Variants in HERC2 observed in about 807,000 individuals in gnomAD.
HERC2 encodes E3 ubiquitin-protein ligase HERC2.
A neutral mutation model predicts 537.7 loss-of-function variants in HERC2; 102 were observed. That is an observed-to-expected ratio of 0.19 (90% confidence interval 0.16 to 0.22). The LOEUF is 0.22. HERC2 is among the 10% of genes least tolerant of loss of function. HERC2 has a pLI of 1.00. For missense variants in HERC2, 4,236 were observed against 6,198.2 expected, an observed-to-expected ratio of 0.68 and a Z score of 10.63; for synonymous variants, 2,224 against 2,466.2, an observed-to-expected ratio of 0.90 and a Z score of 2.91.
chr15:28,249,144 A>G (rs190848982), intron 20 of HERC2, among the ~76,000 whole-genome samples: 152 of 152,334 alleles, frequency 1.0e-3, no homozygotes, highest in African/African-American at 3.4e-3. Flanking sequence ...GAACAAACAC[A>G]GTGTCATTAT....
chr15:28,122,002 G>A lies in HERC2; in HGVS notation c.13189-573C>T, dbSNP rs1279460433. On this transcript the variant is annotated intron_variant, in intron 85 of 92. Coordinates refer to ENST00000261609, the MANE Select transcript of HERC2 (RefSeq NM_004667.6). This position sits in a 1 kb window ranked among gnomAD's most constrained non-coding sequence, Gnocchi z 4.1. ...GCAGCCACGGGCCAGGGAGCACCGC[G>A]GAGCCAGCCGGACCTTGGATCGCCA... Among the ~76,000 whole-genome samples the A allele has an allele frequency of 6.8e-6, 1 of 147,740 alleles. No homozygotes were observed. The highest frequency in any genetic ancestry group is 1.5e-5 in the Non-Finnish European group (1 of 66,684).
rs756089113 is a variant in HERC2, at chr15:28,201,582, A to T, written c.7618-28T>A. 2.9e-6 allele frequency: 4 copies of T among 1,398,526 alleles called. No homozygotes were observed. The African/African-American group carries it at 5.7e-5, about 20-fold the overall frequency. 86.6% of individuals were successfully genotyped at this position (1,398,526 alleles called of 1,614,324 possible). A position where few individuals can be genotyped will look rare whatever the true frequency, so the allele number is the denominator to read the frequency against. On this transcript the variant is annotated intron_variant, in intron 47 of 92. Transcript: ENST00000261609. ...GCAAGAAATAAATACATTCAAACAA[A>T]AAAACAGGAGAACATGATAAACCTA...
At chr15:28,230,219 A>G in intron 31 of HERC2, 148 bp downstream of exon 31, 1 of 796,826 alleles carries the variant, frequency 1.3e-6, no homozygotes. Flanking sequence ...CCAGGACATC[A>G]TAAGCCAAGT....
intron 22 of HERC2, among the ~76,000 whole-genome samples, chr15:28,246,407 G>T (rs1903710697): frequency 6.6e-6 from 1 of 151,888 alleles, no homozygotes; most frequent in South Asian, 2.1e-4. Flanking sequence ...AACATACCAG[G>T]TAATATCAGA....
chr15:28,218,298 C>T (rs904385789), intron 38 of HERC2, among the ~76,000 whole-genome samples, 191 bp downstream of exon 38: 3 of 152,114 alleles, frequency 2.0e-5, no homozygotes, highest in Non-Finnish European at 4.4e-5. Flanking sequence ...AGGAACCACC[C>T]TTGATCTCAG....
At chr15:28,162,175 CA>C (rs1202755659) in intron 69 of HERC2, among the ~76,000 whole-genome samples, 3 of 152,060 alleles carry the variant, frequency 2.0e-5, no homozygotes, top group African/African-American at 7.2e-5. Flanking sequence ...ACTAAAAATA[CA>C]AAAATTAGCC....
Position 28,272,246 on chromosome 15 carries a change from T to G in HERC2, c.1052A>C (p.Lys351Thr). 6.2e-7 allele frequency: 1 copy of G among 1,610,582 alleles called. No homozygotes were observed. Among genetic ancestry groups the G allele is most frequent in the Non-Finnish European group, 8.5e-7 (1 of 1,178,894 alleles). The change falls in exon 9 of 93, where the codon AAG (lysine) becomes ACG (threonine). Residue 351 changes from lysine to threonine, a missense_variant. By Grantham distance (78) the Lys-to-Thr change is moderately conservative. Around this residue, in one of 27 missense-constraint regions of HERC2, gnomAD observed 491 missense variants for 559.3 expected, o/e 0.88. Transcript: ENST00000261609. ...GTCGCCCTCGGAGTGGGGTGCATCC[T>G]TCCTGCAAATGATGCTCTGGAACCT... ...LQRFQSIICR[K>T]DAPHSEGDMH...
In HERC2 at chr15:28,113,529, G is replaced by T; in HGVS notation, c.14019+44C>A. On this transcript the variant is annotated intron_variant, in intron 91 of 92. Transcript: ENST00000261609. This position sits in a 1 kb window ranked among gnomAD's most constrained non-coding sequence, Gnocchi z 7.0. ...CTGTCACTGATTTGTGGGTCAGCAG[G>T]CAAAAGGCAGCTGCAGGGCAGCCCC... 1.3e-6 allele frequency: 2 copies of T among 1,524,086 alleles called. No individual in the cohort carries two copies. Among genetic ancestry groups the T allele is most frequent in the Non-Finnish European group, 1.8e-6 (2 of 1,098,914 alleles). The allele number at this position is 1,524,086 out of a possible 1,614,324, so 94.4% of individuals were successfully genotyped here. A position where few individuals can be genotyped will look rare whatever the true frequency, so the allele number is the denominator to read the frequency against.
chr15:28,155,014 T>C (rs537256478), intron 69 of HERC2, among the ~76,000 whole-genome samples: 9 of 149,588 alleles, frequency 6.0e-5, no homozygotes, highest in Non-Finnish European at 1.2e-4. Context: ...GAACATGCAG[T>C]GTTTGGTTTT....
intron 78 of HERC2, 79 bp downstream of exon 78, chr15:28,141,353 G>A (rs1189290624): frequency 2.5e-5 from 31 of 1,233,360 alleles, no homozygotes; most frequent in Non-Finnish European, 3.0e-5. Flanking sequence ...ATCCTTGCAC[G>A]TGCTAAGAAC....
At chr15:28,313,473 AG>A (rs57652144) in intron 2 of HERC2, among the ~76,000 whole-genome samples, 12,564 of 151,326 alleles carry the variant, frequency 0.083, 292 homozygotes, top group East Asian at 0.32. Flanking sequence ...CAGCCCGTTA[AG>A]GCATTTATTA....
At chr15:28,262,794 A>C in intron 15 of HERC2, 124 bp downstream of exon 15, 2 of 987,134 alleles carry the variant, frequency 2.0e-6, no homozygotes, top group Non-Finnish European at 3.0e-6. Flanking sequence ...ATGGAATGTC[A>C]GGTTAAGAAC....
chr15:28,271,007 T>A, intron 9 of HERC2, 139 bp from the exon 10 acceptor site: 1 of 683,832 alleles, frequency 1.5e-6, no homozygotes, highest in South Asian at 1.9e-5. Flanking sequence ...ACAGTTATAC[T>A]ATACATCTAT....
chr15:28,254,313 T>C lies in HERC2; in HGVS notation c.3050+27A>G, dbSNP rs8036480. ...CAAAAAAAAGTAAATAAATAACATATAATACAATACAGCTACTACGATTTA... is the reference window on the plus strand; with the variant it reads ...CAAAAAAAAGTAAATAAATAACATACAATACAATACAGCTACTACGATTTA... On this transcript the variant is annotated intron_variant, in intron 20 of 92. Transcript: ENST00000261609. 152,330 of 1,481,848 alleles carry C rather than the reference T, an allele frequency of 0.1. 21,249 individuals are homozygous for C. Among genetic ancestry groups the C allele is most frequent in the African/African-American group, 0.57 (39,762 of 69,992 alleles). The allele number at this position is 1,481,848 out of a possible 1,614,324, so 91.8% of individuals were successfully genotyped here. A position where few individuals can be genotyped will look rare whatever the true frequency, so the allele number is the denominator to read the frequency against.
intron 70 of HERC2, among the ~76,000 whole-genome samples, chr15:28,150,337 C>T (rs906411022): frequency 6.6e-6 from 1 of 150,596 alleles, no homozygotes; most frequent in Non-Finnish European, 1.5e-5. Context: ...TGAAAAAACA[C>T]GCGGCTTCTA....
chr15:28,152,934 G>A (rs1247300534), intron 69 of HERC2, 104 bp from the exon 70 acceptor site: 20 of 1,145,692 alleles, frequency 1.7e-5, no homozygotes, highest in East Asian at 7.8e-5. Flanking sequence ...CAAGGACAGC[G>A]TGGCAGAGTG....
chr15:28,241,517 T>C (rs1903116603), intron 23 of HERC2, among the ~76,000 whole-genome samples: 1 of 152,150 alleles, frequency 6.6e-6, no homozygotes, highest in South Asian at 2.1e-4. Context: ...CCTCTGGCTA[T>C]ATACCCAAAA....
At chr15:28,246,642 T>G (rs1903734130) in intron 22 of HERC2, 100 bp downstream of exon 22, 3 of 1,075,182 alleles carry the variant, frequency 2.8e-6, no homozygotes, top group Non-Finnish European at 3.9e-6. Context: ...CCCAGAAAAT[T>G]TAGAGAGTAA....
At position 28,292,944 on chromosome 15, in the gene HERC2, G is replaced by A; in HGVS notation, c.266C>T (p.Ala89Val). 12 of 1,611,088 alleles carry A rather than the reference G, an allele frequency of 7.4e-6. No individual in the cohort carries two copies. The highest frequency in any genetic ancestry group is 2.2e-5 in the East Asian group (1 of 44,854). ...KEKKDEEETP[A>V]PIYRAKSILD... ...AATTGACTTGGCCCTATATATAGGT[G>A]CAGGAGTTTCTTCTTCATCTTTTTT... The change falls in exon 4 of 93, where the codon GCA becomes GTA. Residue 89 changes from alanine (A) to valine (V), a missense_variant. Physicochemically the swap from Ala to Val is moderately conservative, Grantham distance 64. Coordinates refer to ENST00000261609, the MANE Select transcript of HERC2 (RefSeq NM_004667.6).
Sources: allele counts gnomAD v4.1 joint callset (sites outside exome capture counted in the v4.1 genomes callset), GRCh38; gene constraint gnomAD v4.1.1; regional missense constraint gnomAD v4.1.1; non-coding constraint Gnocchi (gnomAD v3.1); transcripts MANE v1.5; gene names NCBI Gene and HGNC (gene_info 2026-07-23, HGNC 2026-07-21).